Variants in CERS6 observed in about 807,000 individuals in gnomAD.
CERS6 encodes the protein ceramide synthase 6.
In CERS6, 26 loss-of-function variants were observed where a neutral mutation model predicts 56.8. That is an observed-to-expected ratio of 0.46 (90% CI 0.34 to 0.63). CERS6 has a LOEUF of 0.63. Among genes scored for constraint, CERS6 ranks in the 30% least tolerant of loss-of-function variants. The pLI is 0.01. For missense variants in CERS6, 415 were observed against 467.5 expected (o/e 0.89, Z 1.04); for synonymous variants, 164 against 173.3 (o/e 0.95, Z 0.42).
chr2:168,638,812 C>T (rs1684922258), intron 4 of CERS6, among the ~76,000 whole-genome samples: 1 of 152,156 alleles, frequency 6.6e-6, no homozygotes, highest in African/African-American at 2.4e-5. Flanking sequence ...CAGCTTTCTT[C>T]AGGCTGTGAG....
intron 4 of CERS6, among the ~76,000 whole-genome samples, chr2:168,672,768 A>G (rs143303099): frequency 7.2e-5 from 11 of 152,338 alleles, no homozygotes; most frequent in Admixed American, 2.0e-4. Context: ...GCCTCTTGAC[A>G]TAGTTCAATT....
chr2:168,536,156 A>G (rs767773296), intron 1 of CERS6, among the ~76,000 whole-genome samples: 7 of 152,226 alleles, frequency 4.6e-5, no homozygotes, highest in Non-Finnish European at 1.0e-4. Context: ...TCCTATGATG[A>G]CAGAGTATTT....
In CERS6 at chr2:168,554,234, CTT is replaced by C. The variant is rs1018531247; in HGVS notation, c.276+6534_276+6535del. ...GTAGAACATAATTAGAAAGAATAAA[CTT>C]ATAATCATATTAATACACATAAATG... On this transcript the variant is annotated intron_variant, in intron 2 of 9. Coordinates refer to ENST00000305747, the MANE Select transcript of CERS6 (RefSeq NM_203463.3). 1.1e-4 allele frequency among the ~76,000 whole-genome samples: 16 copies of C among 151,258 alleles called. No homozygotes were observed. The South Asian group carries it at 3.2e-3, about 30-fold the overall frequency.
At chr2:168,486,563 G>C (rs1694280336) in intron 1 of CERS6, among the ~76,000 whole-genome samples, 1 of 144,348 alleles carries the variant, frequency 6.9e-6, no homozygotes, top group Non-Finnish European at 1.5e-5. Context: ...AATTGTTCCG[G>C]AACCATTTGT....
rs145129483 is a variant in CERS6 at position 168,550,939 on chromosome 2, T to C, written c.276+3238T>C. The stretch of plus-strand genomic sequence containing the variant: ...GGGAGACAGGGAGGCTGGTGAGTGC[T>C]ACAAGCCAGGGGATGAGGAACTGGG... On this transcript the variant is annotated intron_variant, in intron 2 of 9. Coordinates refer to ENST00000305747, the MANE Select transcript of CERS6 (RefSeq NM_203463.3). Among the ~76,000 whole-genome samples the C allele has an allele frequency of 9.2e-3, 1,396 of 152,292 alleles. 22 individuals carry two copies. The highest frequency in any genetic ancestry group is 0.031 in the African/African-American group (1,270 of 41,560).
intron 3 of CERS6, among the ~76,000 whole-genome samples, chr2:168,579,148 T>C (rs186092648): frequency 2.0e-5 from 3 of 152,316 alleles, no homozygotes. Context: ...GTACACATTC[T>C]GCCATCTTCT....
At chr2:168,580,323 C>T (rs1328899003) in intron 3 of CERS6, among the ~76,000 whole-genome samples, 4 of 151,864 alleles carry the variant, frequency 2.6e-5, no homozygotes, top group Non-Finnish European at 2.9e-5. Flanking sequence ...GACTTGATTC[C>T]ATTTTCCCTT....
intron 4 of CERS6, among the ~76,000 whole-genome samples, chr2:168,632,642 T>G (rs1168786788): frequency 1.3e-5 from 2 of 152,230 alleles, no homozygotes; most frequent in African/African-American, 4.8e-5. Context: ...AATTCTGTTC[T>G]AGTTTTCAGA....
intron 4 of CERS6, among the ~76,000 whole-genome samples, chr2:168,631,526 A>ATTT (rs1684719884): frequency 8.2e-6 from 1 of 122,408 alleles, no homozygotes; most frequent in African/African-American, 3.1e-5. Flanking sequence ...ACTATTATAT[A>ATTT]AATACATATT....
intron 4 of CERS6, among the ~76,000 whole-genome samples, chr2:168,681,180 T>TGA (rs1686206150): frequency 6.6e-6 from 1 of 152,226 alleles, no homozygotes; most frequent in East Asian, 1.9e-4. Context: ...TCTTGGAAGG[T>TGA]GAGAGCAAGT....
At chr2:168,736,448 TCC>T (rs1683720170) in intron 8 of CERS6, among the ~76,000 whole-genome samples, 1 of 151,958 alleles carries the variant, frequency 6.6e-6, no homozygotes, top group Non-Finnish European at 1.5e-5. Flanking sequence ...TGCCTCAGCC[TCC>T]CAAGCACGGG....
intron 1 of CERS6, among the ~76,000 whole-genome samples, chr2:168,458,978 T>A (rs1006621589): frequency 6.6e-6 from 1 of 152,230 alleles, no homozygotes; most frequent in African/African-American, 2.4e-5. Context: ...CCATTCAGTA[T>A]TATCACTGCT....
chr2:168,485,513 C>T (rs1029765196), intron 1 of CERS6, among the ~76,000 whole-genome samples: 3 of 152,154 alleles, frequency 2.0e-5, no homozygotes, highest in Non-Finnish European at 4.4e-5. Flanking sequence ...ATGCCTCCCC[C>T]CACACTGAAC....
At chr2:168,728,862 C>T (rs868171579) in intron 8 of CERS6, among the ~76,000 whole-genome samples, 2 of 151,352 alleles carry the variant, frequency 1.3e-5, no homozygotes, top group Admixed American at 6.6e-5. Context: ...AAAAAATAGC[C>T]GGGCATGGTG....
chr2:168,605,841 T>A (rs1390026875), intron 3 of CERS6, among the ~76,000 whole-genome samples: 7 of 152,090 alleles, frequency 4.6e-5, no homozygotes, highest in Admixed American at 4.6e-4. Context: ...CCACCTAGAT[T>A]TCAGAGGATG....
chr2:168,663,761 A>G (rs964780373), intron 4 of CERS6, among the ~76,000 whole-genome samples: 1 of 136,106 alleles, frequency 7.3e-6, no homozygotes, highest in Admixed American at 7.4e-5. Flanking sequence ...GTTATATGTA[A>G]TATATACTTT....
At chr2:168,714,937 T>A in intron 6 of CERS6, 64 bp from the exon 7 acceptor site, 1 of 1,515,010 alleles carries the variant, frequency 6.6e-7, no homozygotes, top group Non-Finnish European at 8.9e-7. Flanking sequence ...GTTCAGTGGC[T>A]GAATGGCTAA....
rs537188689 is a variant in CERS6 at position 168,769,726 on chromosome 2, G to A, written c.*64G>A. 10 of 1,537,812 alleles carry A rather than the reference G, an allele frequency of 6.5e-6. No individual in the cohort carries two copies. The African/African-American group carries it at 8.3e-5, about 13-fold the overall frequency. On this transcript the variant is annotated 3_prime_UTR_variant, in exon 10 of 10. Coordinates refer to ENST00000305747, the MANE Select transcript of CERS6 (RefSeq NM_203463.3). ...TGTTCCTGGAAGTATTTAATAAGTT[G>A]CAAATGCAGTTCCTTTCATAATATC... is the stretch of plus-strand genomic sequence containing the variant.
intron 6 of CERS6, among the ~76,000 whole-genome samples, chr2:168,702,308 T>C (rs1248057722): frequency 6.6e-6 from 1 of 152,220 alleles, no homozygotes; most frequent in African/African-American, 2.4e-5. Flanking sequence ...AACTGAACTT[T>C]TTTTCATAGA....
Sources: allele counts gnomAD v4.1 joint callset (sites outside exome capture counted in the v4.1 genomes callset), GRCh38; gene constraint gnomAD v4.1.1; transcripts MANE v1.5; gene names NCBI Gene and HGNC (gene_info 2026-07-23, HGNC 2026-07-21).